Variants in LRP1B observed in about 807,000 individuals in gnomAD.
The protein encoded by LRP1B is LDL receptor related protein 1B.
A neutral mutation model predicts 556.6 loss-of-function variants in LRP1B; 217 were observed. The ratio of observed to expected loss-of-function variants is 0.39; its 90% CI spans 0.35 to 0.44. The LOEUF (loss-of-function observed/expected upper bound fraction) is 0.44. Ranked by LOEUF, LRP1B falls within the 20% of genes least tolerant of loss-of-function variation. The pLI is 1.00. For missense variants in LRP1B, 5,053 were observed against 5,620.8 expected, an observed-to-expected ratio of 0.90 and a Z score of 3.23; for synonymous variants, 2,047 against 1,865.8, an observed-to-expected ratio of 1.10 and a Z score of -2.50.
chr2:140,790,940 ATTTTT>A (rs201743296), intron 32 of LRP1B, among the ~76,000 whole-genome samples: 5 of 143,244 alleles, frequency 3.5e-5, no homozygotes, highest in African/African-American at 1.3e-4. Context: ...GTCTCTACAA[ATTTTT>A]TTTTTTTTTT....
At chr2:140,608,822 ATTTGTTTCTTTG>A (rs1682964162) in intron 41 of LRP1B, among the ~76,000 whole-genome samples, 1 of 149,740 alleles carries the variant, frequency 6.7e-6, no homozygotes, top group Non-Finnish European at 1.5e-5. Flanking sequence ...AGTGACAGTG[ATTTGTTTCTTTG>A]TTTGTTTGTT....
intron 32 of LRP1B, among the ~76,000 whole-genome samples, chr2:140,795,807 T>C (rs558337007): frequency 5.9e-5 from 9 of 152,098 alleles, no homozygotes; most frequent in Non-Finnish European, 1.2e-4. Flanking sequence ...TTCCAAGATA[T>C]CCACTACATT....
chr2:141,625,225 A>G lies in LRP1B; in HGVS notation c.206-144692T>C, dbSNP rs1057116975. 7.2e-5 allele frequency among the ~76,000 whole-genome samples: 11 copies of G among 152,344 alleles called. No homozygotes were observed. The East Asian group carries it at 1.9e-3, about 27-fold the overall frequency. ...ATTTATTCAGCTGATGAAGTCTTCAATAAGACACCAATACAATGCCAACAT... is the reference window on the plus strand; with the variant it reads ...ATTTATTCAGCTGATGAAGTCTTCAGTAAGACACCAATACAATGCCAACAT... On this transcript the variant is annotated intron_variant, in intron 2 of 90. Coordinates refer to ENST00000389484, the MANE Select transcript of LRP1B (RefSeq NM_018557.3).
intron 1 of LRP1B, among the ~76,000 whole-genome samples, chr2:141,957,404 G>A (rs532333432): frequency 8.6e-6 from 1 of 116,628 alleles, no homozygotes; most frequent in South Asian, 3.4e-4. Context: ...GGGCGGGGGG[G>A]TGTACACTCC....
intron 43 of LRP1B, among the ~76,000 whole-genome samples, chr2:140,558,665 G>A (rs182876893): frequency 2.5e-4 from 38 of 152,144 alleles, no homozygotes; most frequent in African/African-American, 9.2e-4. Context: ...TAGGATGGGT[G>A]CAGTGCTTCA....
At chr2:141,489,278 A>C (rs1683245977) in intron 2 of LRP1B, among the ~76,000 whole-genome samples, 1 of 151,466 alleles carries the variant, frequency 6.6e-6, no homozygotes, top group African/African-American at 2.4e-5. Context: ...ATGAGCCACT[A>C]CACCTTGGCC....
intron 41 of LRP1B, among the ~76,000 whole-genome samples, chr2:140,610,115 T>C (rs189298882): frequency 6.6e-6 from 1 of 152,170 alleles, no homozygotes; most frequent in East Asian, 1.9e-4. Context: ...CGTTCCTTTG[T>C]CCATCCTCTT....
Position 140,879,920 on chromosome 2 carries a change from C to G in LRP1B, c.4169+3897G>C, listed in dbSNP as rs529127558. ...GGCTGTTATCACCTATCAGATCAAG[C>G]AGCAGAAGGTAAAAATAAATGATCC... On this transcript the variant is annotated intron_variant, in intron 25 of 90. Coordinates refer to ENST00000389484, the MANE Select transcript of LRP1B (RefSeq NM_018557.3). 1.1e-3 allele frequency among the ~76,000 whole-genome samples: 158 copies of G among 147,664 alleles called. 1 individual carries two copies. Among genetic ancestry groups the G allele is most frequent in the African/African-American group, 3.7e-3 (148 of 39,972 alleles).
Position 140,378,167 on chromosome 2 carries a change from C to G in LRP1B, c.10638+13G>C, listed in dbSNP as rs747111046. 7 of 1,573,566 alleles carry G rather than the reference C, an allele frequency of 4.4e-6. No homozygotes were observed. The highest frequency in any genetic ancestry group is 1.7e-4 in the Middle Eastern group (1 of 5,914). ...AAGCGCTGCTTTCTTTTTGATTTTA[C>G]AAAGATGCCTACCTCATCAGAGCCA... On this transcript the variant is annotated intron_variant, in intron 68 of 90. Transcript: ENST00000389484.
chr2:140,351,825 T>C (rs975419094), intron 76 of LRP1B, among the ~76,000 whole-genome samples: 6 of 152,142 alleles, frequency 3.9e-5, no homozygotes, highest in Non-Finnish European at 8.8e-5. Flanking sequence ...ACTTAGCAAA[T>C]GCTTATTATG....
At chr2:141,997,873 T>C (rs1702544305) in intron 1 of LRP1B, among the ~76,000 whole-genome samples, 1 of 152,130 alleles carries the variant, frequency 6.6e-6, no homozygotes, top group Admixed American at 6.6e-5. Context: ...AGACCCTTTT[T>C]TGGAGGAAAC....
At chr2:141,305,669 T>C (rs970416444) in intron 3 of LRP1B, among the ~76,000 whole-genome samples, 3 of 152,146 alleles carry the variant, frequency 2.0e-5, no homozygotes, top group Non-Finnish European at 4.4e-5. Context: ...CTGGCTTCAG[T>C]TTTTAAAGGA....
At chr2:140,795,010 C>T (rs1023031714) in intron 32 of LRP1B, among the ~76,000 whole-genome samples, 3 of 152,110 alleles carry the variant, frequency 2.0e-5, no homozygotes, top group Non-Finnish European at 2.9e-5. Flanking sequence ...TTATATATTT[C>T]TCAATTAAAG....
intron 43 of LRP1B, among the ~76,000 whole-genome samples, chr2:140,586,894 C>A (rs1682007100): frequency 6.7e-6 from 1 of 149,998 alleles, no homozygotes; most frequent in South Asian, 2.2e-4. Flanking sequence ...GATGCCAACA[C>A]CAAGATGACA....
chr2:141,346,140 TG>T (rs1345565997), intron 3 of LRP1B, among the ~76,000 whole-genome samples: 1 of 152,070 alleles, frequency 6.6e-6, no homozygotes, highest in East Asian at 1.9e-4. Context: ...TTCCATGTTT[TG>T]TTTGTTTTTA....
At chr2:141,031,854 T>TA (rs1286081973) in intron 11 of LRP1B, among the ~76,000 whole-genome samples, 10 of 151,740 alleles carry the variant, frequency 6.6e-5, no homozygotes, top group African/African-American at 2.4e-4. Context: ...AGATTTTTTT[T>TA]AAGCAATCAT....
At chr2:141,813,073 A>G (rs1696411254) in intron 1 of LRP1B, among the ~76,000 whole-genome samples, 1 of 152,152 alleles carries the variant, frequency 6.6e-6, no homozygotes, top group Admixed American at 6.6e-5. Flanking sequence ...AAAAAGCACC[A>G]CCTCACATCA....
chr2:140,652,955 C>A (rs1684742290), intron 41 of LRP1B, among the ~76,000 whole-genome samples: 1 of 151,964 alleles, frequency 6.6e-6, no homozygotes, highest in Non-Finnish European at 1.5e-5. Context: ...TACAAAAAAT[C>A]TTAATTTAAA....
intron 6 of LRP1B, among the ~76,000 whole-genome samples, chr2:141,194,316 A>G (rs2105209003): frequency 6.6e-6 from 1 of 152,102 alleles, no homozygotes; most frequent in East Asian, 1.9e-4. Context: ...TTCTATATTG[A>G]TTTTCTACCA....
Sources: allele counts gnomAD v4.1 joint callset (sites outside exome capture counted in the v4.1 genomes callset), GRCh38; gene constraint gnomAD v4.1.1; transcripts MANE v1.5; gene names NCBI Gene and HGNC (gene_info 2026-07-23, HGNC 2026-07-21).